UCP3: variants seen among roughly 807,000 people sequenced by gnomAD.
The protein encoded by UCP3 is putative mitochondrial transporter UCP3.
In UCP3, 24 loss-of-function variants were observed where a neutral mutation model predicts 28.1. The observed-to-expected ratio is 0.85, with a 90% CI of 0.62 to 1.20. UCP3 has a LOEUF of 1.20. Among genes scored for constraint, UCP3 ranks in the 50% most tolerant of loss-of-function variants. The pLI, the probability that UCP3 is intolerant of heterozygous loss-of-function variation, is 0.00. For missense variants in UCP3, 397 were observed against 422.2 expected (o/e 0.94, Z 0.52); for synonymous variants, 184 against 171.2 (o/e 1.07, Z -0.59).
chr11:74,004,134 G>A, intron 5 of UCP3, 127 bp from the exon 6 acceptor site: 1 of 1,480,132 alleles, frequency 6.8e-7, no homozygotes, highest in Non-Finnish European at 9.1e-7. Flanking sequence ...ATCTCTCACA[G>A]TGCCCTGGGC....
chr11:74,001,685 T>TC, intron 6 of UCP3, 159 bp from the exon 7 acceptor site: 1 of 674,644 alleles, frequency 1.5e-6, no homozygotes, highest in African/African-American at 1.8e-5. Context: ...CTTTTTTTTT[T>TC]CTGCTAAGGG....
chr11:74,006,808 T>G, intron 2 of UCP3, 109 bp downstream of exon 2: 1 of 1,561,158 alleles, frequency 6.4e-7, no homozygotes, highest in Admixed American at 1.7e-5. Flanking sequence ...AGTGAGAGTC[T>G]TTGTCAGGGT....
intron 6 of UCP3, chr11:74,003,620 G>C: frequency 7.3e-7 from 1 of 1,367,724 alleles, no homozygotes; most frequent in Non-Finnish European, 9.4e-7. Flanking sequence ...TGGAGTGTTT[G>C]TTCTCAGTCA....
In UCP3 at chr11:74,004,069, C is replaced by A. The variant is rs1451327910; in HGVS notation, c.644-62G>T. The A allele has an allele frequency of 2.5e-6, 4 of 1,593,418 alleles. No individual in the cohort carries two copies. In the East Asian group the frequency reaches 9.1e-5, roughly 36 times the overall value. ...TTTGTGTTCTGTCCATATGTATGCA[C>A]TGTTTGTCCCCAACTCAACCGTGAA... On this transcript the variant is annotated intron_variant, in intron 5 of 6. Coordinates refer to ENST00000314032, the MANE Select transcript of UCP3 (RefSeq NM_003356.4).
In UCP3 at chr11:74,005,855, A is replaced by G; in HGVS notation, c.416T>C (p.Val139Ala). 6.2e-7 allele frequency: 1 copy of G among 1,614,100 alleles called. No homozygotes were observed. Among genetic ancestry groups the G allele is most frequent in the Non-Finnish European group, 8.5e-7 (1 of 1,180,018 alleles). ...MAVTCAQPTD[V>A]VKVRFQASIH... is the part of the protein sequence containing the mutation. ...GCTGGCCTGAAATCGGACCTTCACC[A>G]CATCTGTGGGCTGGGCACAGGTCAC... Residue 139 changes from valine to alanine, a missense_variant, in exon 4 of 7, where the codon GTG becomes GCG. By Grantham distance (64) the Val-to-Ala change is moderately conservative (BLOSUM62 0). Coordinates refer to ENST00000314032, the MANE Select transcript of UCP3 (RefSeq NM_003356.4).
In UCP3 at chr11:74,004,498, T is replaced by G; in HGVS notation, c.629A>C (p.Tyr210Ser). The G allele has an allele frequency of 6.2e-7, 1 of 1,614,120 alleles. No individual in the cohort carries two copies. The highest frequency in any genetic ancestry group is 8.5e-7 in the Non-Finnish European group (1 of 1,179,984). ...YDILKEKLLD[Y>S]HLLTDNFPCH... ...CAGGGCCTCACCAGTGAGCAGGTGG[T>G]AGTCCAGCAGCTTCTCCTTGAGGAT... is the stretch of plus-strand genomic sequence containing the variant. Residue 210 changes from tyrosine (Y) to serine (S), a missense_variant, in exon 5 of 7, where the codon TAC becomes TCC. Transcript: ENST00000314032.
Position 74,003,937 on chromosome 11 carries a change from C to T in UCP3, c.714G>A (p.Val238=), listed in dbSNP as rs760061491. ...TCATATACCGGGTCTTCACCACGTCCACCGGGGAGGCCACCACTGTGGCAC... is the reference window on the plus strand; with the variant it reads ...TCATATACCGGGTCTTCACCACGTCTACCGGGGAGGCCACCACTGTGGCAC... ...GFCATVVASP[V]DVVKTRYMNS... Residue 238 remains valine (V), a synonymous_variant, in exon 6 of 7, where the codon GTG becomes GTA. Transcript: ENST00000314032. 3 of 1,614,054 alleles carry T rather than the reference C, an allele frequency of 1.9e-6. No individual in the cohort carries two copies. The highest frequency in any genetic ancestry group is 2.7e-5 in the African/African-American group (2 of 74,928).
At chr11:74,008,906 T>A (rs1017878654) in intron 1 of UCP3, 72 bp downstream of exon 1, 4 of 152,066 alleles carry the variant, frequency 2.6e-5, no homozygotes, top group African/African-American at 9.7e-5. Flanking sequence ...TCTGAAAGCC[T>A]CCAATGAAAG....
intron 6 of UCP3, chr11:74,002,746 C>T: frequency 1.0e-6 from 1 of 985,392 alleles, no homozygotes; most frequent in Non-Finnish European, 1.2e-6. Flanking sequence ...GATAGAGGCA[C>T]TTTTTGGAAG....
At chr11:74,004,970 C>G (rs1951650673) in intron 4 of UCP3, among the ~76,000 whole-genome samples, 1 of 152,196 alleles carries the variant, frequency 6.6e-6, no homozygotes, top group Non-Finnish European at 1.5e-5. Flanking sequence ...GAATGTGGTG[C>G]CAGCAGGGCC....
At chr11:74,003,321 A>T (rs1328861679) in intron 6 of UCP3, 1 of 265,818 alleles carries the variant, frequency 3.8e-6, no homozygotes, top group African/African-American at 2.3e-5. Context: ...AATGGTATCA[A>T]ATGGCATTGC....
chr11:74,001,563 C>T, intron 6 of UCP3, 37 bp from the exon 7 acceptor site: 1 of 1,593,462 alleles, frequency 6.3e-7, no homozygotes, highest in African/African-American at 1.3e-5. Context: ...AGGTGGAGTG[C>T]TAGGGGACCA....
rs1800006 is a variant in UCP3, at chr11:74,006,209, A to C, written c.297T>G (p.Tyr99Ter). 1 of 1,613,714 alleles carries C rather than the reference A, an allele frequency of 6.2e-7. No individual in the cohort carries two copies. The highest frequency in any genetic ancestry group is 1.3e-5 in the African/African-American group (1 of 74,842). Residue 99 changes from tyrosine to a stop codon, truncating the protein, a stop_gained, in exon 3 of 7, where the codon TAT becomes TAG. Transcript: ENST00000314032. LOFTEE classifies it high-confidence loss of function. The stretch of plus-strand genomic sequence containing the variant: ...GGGTGTACACCTGCTTGACGGAGTC[A>C]TAGAGGCCGATGCGGATGGAGGCGA... ...MSFASIRIGL[Y>*]DSVKQVYTPK...
chr11:74,001,552 C>T, intron 6 of UCP3, 26 bp from the exon 7 acceptor site: 1 of 1,608,928 alleles, frequency 6.2e-7, no homozygotes, highest in Middle Eastern at 1.7e-4. Context: ...ACCAACACAT[C>T]AGGTGGAGTG....
At chr11:74,006,498 C>T in intron 2 of UCP3, 119 bp from the exon 3 acceptor site, 1 of 1,030,826 alleles carries the variant, frequency 9.7e-7, no homozygotes, top group Non-Finnish European at 1.4e-6. Context: ...CCATGCTGGT[C>T]ACAGTAGAAA....
chr11:74,006,315 G>A lies in UCP3; in HGVS notation c.191C>T (p.Thr64Ile), dbSNP rs747113663. 4 of 1,609,280 alleles carry A rather than the reference G, an allele frequency of 2.5e-6. No homozygotes were observed. The highest frequency in any genetic ancestry group is 2.2e-5 in the East Asian group (1 of 44,848). The change falls in exon 3 of 7, where the codon ACC becomes ATC. Residue 64 changes from threonine to isoleucine, a missense_variant. Coordinates refer to ENST00000314032, the MANE Select transcript of UCP3 (RefSeq NM_003356.4). ...CTCAGTCCGCACCATGGTCAGGATG[G>A]TGCCCAGCACGCCACGGTACTGCAC... ...RLVQYRGVLG[T>I]ILTMVRTEGP...
rs1438608580 is a variant in UCP3, at chr11:74,000,579, A to G, written c.*833T>C. 2 of 151,526 alleles carry G rather than the reference A, an allele frequency of 1.3e-5. No individual in the cohort carries two copies. Among genetic ancestry groups the G allele is most frequent in the African/African-American group, 2.4e-5 (1 of 41,128 alleles). 9.4% of individuals were successfully genotyped at this position (151,526 alleles called of 1,614,324 possible). On this transcript the variant is annotated 3_prime_UTR_variant, in exon 7 of 7. Coordinates refer to ENST00000314032, the MANE Select transcript of UCP3 (RefSeq NM_003356.4). ...ATCTTTCAAACCTTCTTCCCTGGCA[A>G]CTCCTCTCTGTCCCGACAAAATCTC...
chr11:74,005,937 G>A lies in UCP3; in HGVS notation c.338-4C>T. The A allele has an allele frequency of 6.2e-7, 1 of 1,614,014 alleles. No individual in the cohort carries two copies. The highest frequency in any genetic ancestry group is 1.1e-5 in the South Asian group (1 of 91,076). On this transcript the variant is annotated splice_region_variant and splice_polypyrimidine_tract_variant and intron_variant, in intron 3 of 6. Transcript: ENST00000314032. ...ATCCGGGTAGTGAGGCTGGAGTCTG[G>A]GAGGGGCAGAGAGAGTGGGCCAGTG... is the stretch of plus-strand genomic sequence containing the variant.
At chr11:74,002,995 T>A in intron 6 of UCP3, 1 of 957,280 alleles carries the variant, frequency 1.0e-6, no homozygotes, top group African/African-American at 1.8e-5. Flanking sequence ...CATTTTAACC[T>A]GTGATCTTGG....
Sources: gnomAD v4.1 joint callset for allele counts (sites outside exome capture counted in the v4.1 genomes callset) on GRCh38, gnomAD v4.1.1 for gene constraint, MANE v1.5 for transcripts, NCBI Gene and HGNC (gene_info 2026-07-23, HGNC 2026-07-21) for gene names.